Variants in SOX5 observed in about 807,000 individuals in gnomAD.
SOX5 encodes SRY-box transcription factor 5, also known as transcription factor SOX-5.
SOX5 carries 9 observed loss-of-function variants against 92.0 expected under a neutral mutation model. That is an observed-to-expected ratio of 0.10 (90% CI 0.06 to 0.17). The LOEUF is 0.17. SOX5 is among the 10% of genes least tolerant of loss of function. The pLI, the probability that SOX5 is intolerant of heterozygous loss-of-function variation, is 1.00. For synonymous variants in SOX5, 344 were observed against 336.3 expected, an observed-to-expected ratio of 1.02 and a Z score of -0.25; for missense variants, 642 against 944.5, an observed-to-expected ratio of 0.68 and a Z score of 4.20.
chr12:24,229,176 G>C (rs1019410221), intron 3 of SOX5, among the ~76,000 whole-genome samples: 3 of 152,222 alleles, frequency 2.0e-5, no homozygotes, highest in Non-Finnish European at 2.9e-5. Context: ...GCACCGCCGA[G>C]TTTGTGTGGA....
chr12:23,976,722 T>C (rs1948955653), intron 4 of SOX5, among the ~76,000 whole-genome samples: 1 of 152,062 alleles, frequency 6.6e-6, no homozygotes, highest in African/African-American at 2.4e-5. Context: ...TTTATATGCA[T>C]GGAGTGTAAG....
intron 4 of SOX5, among the ~76,000 whole-genome samples, chr12:24,084,152 T>C (rs777456626): frequency 7.9e-5 from 12 of 152,070 alleles, no homozygotes; most frequent in Non-Finnish European, 1.6e-4. Context: ...TCTGGATGTA[T>C]CTATAAGGTT....
chr12:24,417,809 T>C lies in SOX5; in HGVS notation c.-250-49170A>G, dbSNP rs576876568. Among the ~76,000 whole-genome samples, 4 of 152,202 alleles carry C rather than the reference T, an allele frequency of 2.6e-5. No homozygotes were observed. The East Asian group carries it at 7.7e-4, about 29-fold the overall frequency. On this transcript the variant is annotated intron_variant, in intron 1 of 4. Coordinates refer to the SOX5 transcript ENST00000446891. ...GGTGGTGGTGCTAGAGCCAGGACAC[T>C]CTCTGACCTGGAACACAGGGTATAT...
intron 3 of SOX5, among the ~76,000 whole-genome samples, chr12:24,259,525 G>C (rs1941774653): frequency 6.6e-6 from 1 of 152,146 alleles, no homozygotes; most frequent in African/African-American, 2.4e-5. Flanking sequence ...ACTTACTGAA[G>C]ACAGAATTTT....
intron 9 of SOX5, among the ~76,000 whole-genome samples, chr12:23,591,472 T>C (rs557023783): frequency 1.3e-5 from 2 of 152,258 alleles, no homozygotes; most frequent in East Asian, 1.9e-4. Context: ...TAGTCCTGGA[T>C]AGAACAGATC....
intron 8 of SOX5, among the ~76,000 whole-genome samples, chr12:23,616,386 A>G (rs1342499087): frequency 2.0e-5 from 3 of 152,136 alleles, no homozygotes; most frequent in Non-Finnish European, 4.4e-5. Flanking sequence ...ATCACAGACC[A>G]TGGGGGAAAA....
chr12:23,628,715 T>C (rs893282789), intron 8 of SOX5, among the ~76,000 whole-genome samples: 1 of 151,990 alleles, frequency 6.6e-6, no homozygotes, highest in African/African-American at 2.4e-5. Flanking sequence ...CCCTTTCCTC[T>C]TGTTTTCGTA....
At chr12:24,373,505 A>C (rs1254929673) in intron 1 of SOX5, among the ~76,000 whole-genome samples, 1 of 152,190 alleles carries the variant, frequency 6.6e-6, no homozygotes, top group African/African-American at 2.4e-5. Context: ...TATAACAGGC[A>C]ACTGGGTTGA....
Position 24,197,083 on chromosome 12 carries a change from T to C in SOX5, c.-2+16260A>G, listed in dbSNP as rs539137852. Among the ~76,000 whole-genome samples, 20 of 152,314 alleles carry C rather than the reference T, an allele frequency of 1.3e-4. No individual in the cohort carries two copies. In the South Asian group the frequency reaches 3.7e-3, roughly 28 times the overall value. ...GTACAACTCAGAATGGCCTAGCCTATAGGAAAACATTTCTATCCTCATAAC... is the reference window on the plus strand; with the variant it reads ...GTACAACTCAGAATGGCCTAGCCTACAGGAAAACATTTCTATCCTCATAAC... On this transcript the variant is annotated intron_variant, in intron 4 of 4. Transcript: ENST00000446891.
chr12:24,561,183 C>G (rs940829379), intron 1 of SOX5, among the ~76,000 whole-genome samples: 4 of 152,210 alleles, frequency 2.6e-5, no homozygotes, highest in Non-Finnish European at 5.9e-5. Flanking sequence ...GTACAGTTGA[C>G]TGCCACCCAG....
chr12:23,785,142 A>T (rs1350773285), intron 3 of SOX5, among the ~76,000 whole-genome samples: 4 of 152,228 alleles, frequency 2.6e-5, no homozygotes, highest in African/African-American at 7.2e-5. Context: ...TTTGAGAAAG[A>T]TCACAACTGA....
At chr12:24,530,390 T>C (rs1418639073) in intron 1 of SOX5, among the ~76,000 whole-genome samples, 1 of 152,168 alleles carries the variant, frequency 6.6e-6, no homozygotes, top group South Asian at 2.1e-4. Flanking sequence ...TGGGTTGGGA[T>C]ATATTATGTG....
intron 1 of SOX5, among the ~76,000 whole-genome samples, chr12:23,946,805 G>T (rs965672915): frequency 2.6e-5 from 4 of 151,874 alleles, no homozygotes; most frequent in African/African-American, 7.2e-5. Context: ...GTGTTTTTCA[G>T]TAATCATAAT....
At chr12:24,116,058 A>G (rs1286589720) in intron 4 of SOX5, among the ~76,000 whole-genome samples, 1 of 152,176 alleles carries the variant, frequency 6.6e-6, no homozygotes, top group African/African-American at 2.4e-5. Context: ...TCGATTGAGA[A>G]GCAAAGTAAA....
intron 1 of SOX5, among the ~76,000 whole-genome samples, chr12:24,396,279 T>C (rs1959935758): frequency 6.6e-6 from 1 of 152,194 alleles, no homozygotes; most frequent in Non-Finnish European, 1.5e-5. Flanking sequence ...GTACCCTGTG[T>C]CTTAGCTGGG....
chr12:24,225,436 A>G (rs1024142472), intron 3 of SOX5, among the ~76,000 whole-genome samples: 1 of 152,130 alleles, frequency 6.6e-6, no homozygotes, highest in African/African-American at 2.4e-5. Context: ...ACTTTTGGGC[A>G]TCAGGAAAAG....
chr12:23,721,714 G>A (rs182734470), intron 6 of SOX5, among the ~76,000 whole-genome samples: 1 of 152,180 alleles, frequency 6.6e-6, no homozygotes, highest in Admixed American at 6.6e-5. Flanking sequence ...TATGGCATGA[G>A]AGGAGTGAAA....
chr12:23,556,666 T>C (rs1265337461), intron 11 of SOX5, among the ~76,000 whole-genome samples: 1 of 152,236 alleles, frequency 6.6e-6, no homozygotes, highest in Non-Finnish European at 1.5e-5. Context: ...ATTTGACTTT[T>C]ATAATTCACT....
intron 1 of SOX5, among the ~76,000 whole-genome samples, chr12:24,508,369 A>G (rs903624963): frequency 6.6e-6 from 1 of 152,216 alleles, no homozygotes; most frequent in African/African-American, 2.4e-5. Flanking sequence ...TGGAAGGGAA[A>G]GAAAGAATAA....
Sources: allele counts gnomAD v4.1 joint callset (sites outside exome capture counted in the v4.1 genomes callset), GRCh38; gene constraint gnomAD v4.1.1; transcripts MANE v1.5; gene names NCBI Gene and HGNC (gene_info 2026-07-23, HGNC 2026-07-21).